The following NCKAP5 variants were observed in gnomAD, a reference collection of about 807,000 sequenced individuals.
NCKAP5 encodes nck-associated protein 5.
A neutral mutation model predicts 167.0 loss-of-function variants in NCKAP5; 92 were observed. That is an observed-to-expected ratio of 0.55 (90% CI 0.47 to 0.66). NCKAP5 has a LOEUF of 0.66. Among genes scored for constraint, NCKAP5 ranks in the 30% least tolerant of loss-of-function variants. NCKAP5 has a pLI of 0.00. For synonymous variants in NCKAP5, 891 were observed against 877.4 expected (o/e 1.02, Z -0.27); for missense variants, 2,378 against 2,315.0 (o/e 1.03, Z -0.56).
rs149552498 is a variant in NCKAP5 at position 132,996,434 on chromosome 2, T to G, written c.342-2195A>C. Among the ~76,000 whole-genome samples the G allele has an allele frequency of 5.3e-3, 801 of 152,338 alleles. 5 individuals carry two copies. Among genetic ancestry groups the G allele is most frequent in the African/African-American group, 0.018 (735 of 41,572 alleles). ...ATTCCCATTTCCAGACATTTGCTTA[T>G]GCTGGTGATACTTCTTAGAATGCCC... On this transcript the variant is annotated intron_variant, in intron 6 of 19. Coordinates refer to ENST00000409261, the MANE Select transcript of NCKAP5 (RefSeq NM_207363.3).
chr2:133,393,780 T>C (rs1687570644), intron 3 of NCKAP5, among the ~76,000 whole-genome samples: 1 of 152,174 alleles, frequency 6.6e-6, no homozygotes, highest in East Asian at 1.9e-4. Context: ...TTTCTATCTA[T>C]GAAGCAAAAT....
chr2:133,374,449 C>G (rs896847710), intron 3 of NCKAP5, among the ~76,000 whole-genome samples: 7 of 152,176 alleles, frequency 4.6e-5, no homozygotes, highest in Admixed American at 2.6e-4. Context: ...AGAATGTACA[C>G]TAAGAATGGA....
the NCKAP5 span, among the ~76,000 whole-genome samples, chr2:133,668,051 G>A: frequency 6.6e-6 from 1 of 151,996 alleles, no homozygotes; most frequent in Admixed American, 6.5e-5. Flanking sequence ...TCTTACATTT[G>A]GCTTTTTAAA....
chr2:133,405,033 C>A (rs554587527), intron 3 of NCKAP5, among the ~76,000 whole-genome samples: 1 of 152,348 alleles, frequency 6.6e-6, no homozygotes, highest in South Asian at 2.1e-4. Context: ...AGGCCAAATA[C>A]AACCTGGCCC....
At chr2:132,737,660 CT>C (rs1691646043) in intron 16 of NCKAP5, among the ~76,000 whole-genome samples, 1 of 152,262 alleles carries the variant, frequency 6.6e-6, no homozygotes, top group Admixed American at 6.5e-5. Flanking sequence ...GCCTTAGTGT[CT>C]TCATTTGCAA....
chr2:133,204,424 G>C (rs2085850909), intron 5 of NCKAP5, among the ~76,000 whole-genome samples: 1 of 152,090 alleles, frequency 6.6e-6, no homozygotes, highest in African/African-American at 2.4e-5. Context: ...ATACATGTTA[G>C]ATTTTTTTAT....
rs200717837 is a variant in NCKAP5, at chr2:133,144,062, G to GA, written c.208-13952dup. Among the ~76,000 whole-genome samples the GA allele has an allele frequency of 3.1e-3, 472 of 152,186 alleles. 11 individuals carry two copies. The East Asian group carries it at 0.075, about 24-fold the overall frequency. ...ATAGAAGAGTTCCAAGAGATGGTCT[G>GA]AAAAATAGAGAGACAGAGATGGTCT... On this transcript the variant is annotated intron_variant, in intron 5 of 19. Coordinates refer to ENST00000409261, the MANE Select transcript of NCKAP5 (RefSeq NM_207363.3).
chr2:133,099,320 A>T (rs2081432819), intron 6 of NCKAP5, among the ~76,000 whole-genome samples: 1 of 152,212 alleles, frequency 6.6e-6, no homozygotes, highest in Non-Finnish European at 1.5e-5. Flanking sequence ...CTGCACCTGA[A>T]TTTGATTATT....
intron 16 of NCKAP5, among the ~76,000 whole-genome samples, chr2:132,743,696 A>G (rs963387361): frequency 2.6e-5 from 4 of 151,728 alleles, no homozygotes; most frequent in Non-Finnish European, 4.4e-5. Context: ...ATAATTACAT[A>G]AAATTAAAAT....
chr2:133,140,817 A>T, intron 5 of NCKAP5, among the ~76,000 whole-genome samples: 1 of 149,432 alleles, frequency 6.7e-6, no homozygotes. Flanking sequence ...TGAATAACAA[A>T]TTATATACAA....
chr2:132,769,145 A>T (rs1046563489), intron 16 of NCKAP5, among the ~76,000 whole-genome samples: 1 of 150,576 alleles, frequency 6.6e-6, no homozygotes, highest in Non-Finnish European at 1.5e-5. Flanking sequence ...ATGGGATCTC[A>T]CTATGTTGCT....
chr2:133,420,139 G>A (rs1689381388), intron 3 of NCKAP5, among the ~76,000 whole-genome samples: 1 of 152,180 alleles, frequency 6.6e-6, no homozygotes, highest in African/African-American at 2.4e-5. Flanking sequence ...TAAAAAGATA[G>A]ACACATTTGT....
intron 3 of NCKAP5, among the ~76,000 whole-genome samples, chr2:133,474,399 G>A (rs1679691194): frequency 6.6e-6 from 1 of 152,186 alleles, no homozygotes; most frequent in Admixed American, 6.5e-5. Context: ...GGCTGGTGAA[G>A]CTGCAAGGCA....
intron 6 of NCKAP5, among the ~76,000 whole-genome samples, chr2:133,053,055 A>G (rs1218580911): frequency 6.6e-6 from 1 of 152,148 alleles, no homozygotes; most frequent in African/African-American, 2.4e-5. Context: ...CACAGTCTGG[A>G]GGTATATTTT....
chr2:133,258,672 G>A (rs751079157), intron 4 of NCKAP5, among the ~76,000 whole-genome samples: 4 of 151,946 alleles, frequency 2.6e-5, no homozygotes, highest in Admixed American at 6.6e-5. Flanking sequence ...TTGAGCCCAG[G>A]GAGGTTGAGG....
intron 4 of NCKAP5, among the ~76,000 whole-genome samples, chr2:133,285,703 C>T (rs961244869): frequency 2.0e-5 from 3 of 152,182 alleles, no homozygotes; most frequent in African/African-American, 4.8e-5. Context: ...ACGTATACCA[C>T]GGTAAACACC....
chr2:133,673,536 C>A, the NCKAP5 span, among the ~76,000 whole-genome samples: 18 of 152,342 alleles, frequency 1.2e-4, no homozygotes, highest in Non-Finnish European at 2.5e-4. Flanking sequence ...CTCTTCCCAG[C>A]AGGTCTCTCA....
chr2:133,514,232 T>C (rs974531729), intron 3 of NCKAP5, among the ~76,000 whole-genome samples: 1 of 152,212 alleles, frequency 6.6e-6, no homozygotes, highest in Non-Finnish European at 1.5e-5. Flanking sequence ...ATATTTTTCA[T>C]TTCAGTTTCA....
At chr2:132,727,562 T>C (rs1690584458) in intron 18 of NCKAP5, among the ~76,000 whole-genome samples, 1 of 152,240 alleles carries the variant, frequency 6.6e-6, no homozygotes. Flanking sequence ...CAGGTGGTTC[T>C]GATGCCTGCT....
Sources: gnomAD v4.1 joint callset for allele counts (sites outside exome capture counted in the v4.1 genomes callset) on GRCh38, gnomAD v4.1.1 for gene constraint, MANE v1.5 for transcripts, NCBI Gene and HGNC (gene_info 2026-07-23, HGNC 2026-07-21) for gene names.